WWC2: variants seen among roughly 807,000 people sequenced by gnomAD.
WWC2 encodes the protein WW and C2 domain containing 2.
WWC2 carries 101 observed loss-of-function variants against 138.5 expected under a neutral mutation model. The observed-to-expected ratio is 0.73, with a 90% CI of 0.62 to 0.86. WWC2 has a LOEUF of 0.86. Among genes scored for constraint, WWC2 ranks in the 40% least tolerant of loss-of-function variants. The pLI, the probability that WWC2 is intolerant of heterozygous loss-of-function variation, is 0.00. For synonymous variants in WWC2, 558 were observed against 538.4 expected, an observed-to-expected ratio of 1.04 and a Z score of -0.50; for missense variants, 1,420 against 1,419.4, an observed-to-expected ratio of 1.00 and a Z score of -0.01.
intron 1 of WWC2, among the ~76,000 whole-genome samples, chr4:183,148,237 G>T (rs890832431): frequency 6.6e-6 from 1 of 152,136 alleles, no homozygotes; most frequent in African/African-American, 2.4e-5. Flanking sequence ...CTGCTTAAAA[G>T]AAACTATCCA....
chr4:183,117,517 G>A (rs759341140), intron 1 of WWC2, among the ~76,000 whole-genome samples: 6 of 150,520 alleles, frequency 4.0e-5, no homozygotes, highest in Non-Finnish European at 8.9e-5. Context: ...CACTGTGCCC[G>A]GCCACGTTCT....
Position 183,305,706 on chromosome 4 carries a change from GACAA to G in WWC2, c.3385-6629_3385-6626del, listed in dbSNP as rs367746941. 1.6e-4 allele frequency among the ~76,000 whole-genome samples: 24 copies of G among 152,200 alleles called. No individual in the cohort carries two copies. The East Asian group carries it at 2.5e-3, about 16-fold the overall frequency. ...GTGAAGGAGAATAAATATTTTTTCAGACAAACAAAAATTAAGGACATTTGTGCTC... is the reference window on the plus strand; with the variant it reads ...GTGAAGGAGAATAAATATTTTTTCAGACAAAAATTAAGGACATTTGTGCTC... On this transcript the variant is annotated intron_variant, in intron 21 of 22. Coordinates refer to ENST00000403733, the MANE Select transcript of WWC2 (RefSeq NM_024949.6).
chr4:183,268,663 T>A (rs891909079), intron 14 of WWC2, among the ~76,000 whole-genome samples: 7 of 152,158 alleles, frequency 4.6e-5, no homozygotes, highest in Admixed American at 4.6e-4. Context: ...ATGGGGCAGG[T>A]GGGACGTTAA....
chr4:183,193,808 A>C (rs1735057836), intron 2 of WWC2, 100 bp downstream of exon 2: 1 of 1,043,334 alleles, frequency 9.6e-7, no homozygotes, highest in Non-Finnish European at 1.4e-6. Flanking sequence ...GTGAATTTCC[A>C]AAACCCCATT....
intron 1 of WWC2, among the ~76,000 whole-genome samples, chr4:183,122,615 G>T (rs1045606564): frequency 2.0e-5 from 3 of 152,106 alleles, no homozygotes; most frequent in African/African-American, 7.2e-5. Context: ...CGCCTCCCAG[G>T]CTCAAGCGAT....
intron 1 of WWC2, among the ~76,000 whole-genome samples, chr4:183,170,158 A>C (rs551515883): frequency 6.6e-6 from 1 of 152,328 alleles, no homozygotes; most frequent in East Asian, 1.9e-4. Flanking sequence ...CACGAACATT[A>C]GATTAACAGT....
intron 1 of WWC2, among the ~76,000 whole-genome samples, chr4:183,162,518 T>C (rs367972454): frequency 5.5e-4 from 83 of 152,290 alleles, no homozygotes; most frequent in African/African-American, 1.9e-3. Flanking sequence ...CATCGTTTTA[T>C]TGTCTTTATT....
chr4:183,209,562 T>A (rs909538674), intron 4 of WWC2, among the ~76,000 whole-genome samples: 1 of 152,146 alleles, frequency 6.6e-6, no homozygotes, highest in Non-Finnish European at 1.5e-5. Context: ...TTGTTAGCAG[T>A]TAGAATATTG....
chr4:183,195,024 G>T (rs1735097199), intron 2 of WWC2, among the ~76,000 whole-genome samples: 1 of 152,076 alleles, frequency 6.6e-6, no homozygotes, highest in Admixed American at 6.6e-5. Context: ...TTTTAAGTTA[G>T]CTTTTAATTT....
At chr4:183,264,295 A>G (rs1222581084) in intron 11 of WWC2, among the ~76,000 whole-genome samples, 1 of 152,200 alleles carries the variant, frequency 6.6e-6, no homozygotes, top group Non-Finnish European at 1.5e-5. Context: ...AGGATGAAAG[A>G]GCACCACAGG....
At chr4:183,122,825 T>C (rs1234954691) in intron 1 of WWC2, among the ~76,000 whole-genome samples, 2 of 152,172 alleles carry the variant, frequency 1.3e-5, no homozygotes, top group Non-Finnish European at 2.9e-5. Context: ...GGCCAAGATC[T>C]GTATTTTAAT....
intron 14 of WWC2, among the ~76,000 whole-genome samples, chr4:183,267,393 A>ATAAACTGT (rs1222859649): frequency 6.6e-6 from 1 of 152,212 alleles, no homozygotes; most frequent in Non-Finnish European, 1.5e-5. Flanking sequence ...CTGGCTTGAT[A>ATAAACTGT]TAAACTGTGA....
chr4:183,122,725 G>T (rs1450183059), intron 1 of WWC2, among the ~76,000 whole-genome samples: 1 of 152,016 alleles, frequency 6.6e-6, no homozygotes, highest in Non-Finnish European at 1.5e-5. Flanking sequence ...TGCCATGTTG[G>T]TCAGGCTGGT....
At chr4:183,282,626 G>A (rs1738112565) in intron 17 of WWC2, 82 bp from the exon 18 acceptor site, 2 of 1,365,416 alleles carry the variant, frequency 1.5e-6, no homozygotes, top group Non-Finnish European at 2.0e-6. Context: ...TTATTTCCCA[G>A]ATAACAACTT....
At chr4:183,247,497 A>G (rs1736813728) in intron 6 of WWC2, among the ~76,000 whole-genome samples, 1 of 142,346 alleles carries the variant, frequency 7.0e-6, no homozygotes, top group Non-Finnish European at 1.5e-5. Context: ...TATATATACT[A>G]TTTATACTAT....
chr4:183,198,611 G>A (rs1456716685), intron 2 of WWC2, among the ~76,000 whole-genome samples: 1 of 151,424 alleles, frequency 6.6e-6, no homozygotes, highest in Non-Finnish European at 1.5e-5. Flanking sequence ...CAATTCTTTT[G>A]ATAATAGAAC....
Position 183,261,021 on chromosome 4 carries a change from C to T in WWC2, c.1398C>T (p.Ser466=), listed in dbSNP as rs1737304994. The change falls in exon 11 of 23, where the codon TCC becomes TCT. Residue 466 remains serine, a synonymous_variant. Coordinates refer to ENST00000403733, the MANE Select transcript of WWC2 (RefSeq NM_024949.6). ...GAGGGTCACTCAACTCCCTCAGTTC[C>T]ACCGAACTCTATTACAGCAGTCAAA... The part of the protein sequence containing the change: ...SSRGSLNSLS[S]TELYYSSQSD... 1.2e-6 allele frequency: 2 copies of T among 1,613,892 alleles called. No individual in the cohort carries two copies. Among genetic ancestry groups the T allele is most frequent in the Non-Finnish European group, 1.7e-6 (2 of 1,179,904 alleles).
At position 183,209,339 on chromosome 4, in the gene WWC2, C is replaced by T. The variant is rs147512399; in HGVS notation, c.522+314C>T. 1.6e-3 allele frequency among the ~76,000 whole-genome samples: 247 copies of T among 152,178 alleles called. 2 individuals are homozygous for T. The East Asian group carries it at 0.04, about 25-fold the overall frequency. On this transcript the variant is annotated intron_variant, in intron 4 of 22. Transcript: ENST00000403733. ...GCCTCCTGGGTTCAAGCAATTCTCC[C>T]GCCTCAGCCTCCAGAGTAGCTGGGA...
At chr4:183,296,856 C>A (rs1217815720) in intron 21 of WWC2, among the ~76,000 whole-genome samples, 1 of 135,062 alleles carries the variant, frequency 7.4e-6, no homozygotes, top group African/African-American at 2.8e-5. Context: ...ATGGCGTGAA[C>A]CCCGGAGGCG....
Sources: gnomAD v4.1 joint callset for allele counts (sites outside exome capture counted in the v4.1 genomes callset) on GRCh38, gnomAD v4.1.1 for gene constraint, MANE v1.5 for transcripts, NCBI Gene and HGNC (gene_info 2026-07-23, HGNC 2026-07-21) for gene names.